TBX5: variants seen among roughly 807,000 people sequenced by gnomAD.
The protein encoded by TBX5 is T-box transcription factor 5.
Under a neutral mutation model 51.1 loss-of-function variants are expected in TBX5, and 8 were observed. The ratio of observed to expected loss-of-function variants is 0.16; its 90% CI spans 0.09 to 0.28. The LOEUF is 0.28. Ranked by LOEUF, TBX5 falls within the 10% of genes least tolerant of loss-of-function variation. TBX5 has a pLI of 1.00. For missense variants in TBX5, 589 were observed against 671.7 expected (o/e 0.88, Z 1.36); for synonymous variants, 302 against 266.4 (o/e 1.13, Z -1.30).
chr12:114,371,596 T>G (rs928517858), intron 7 of TBX5, among the ~76,000 whole-genome samples: 17 of 150,970 alleles, frequency 1.1e-4, no homozygotes, highest in African/African-American at 4.1e-4. Flanking sequence ...TGTTTTTTTT[T>G]TTTTTTTTTT....
chr12:114,403,629 T>G, intron 2 of TBX5, 123 bp downstream of exon 2: 5 of 1,392,092 alleles, frequency 3.6e-6, no homozygotes, highest in Non-Finnish European at 4.8e-6. Flanking sequence ...ATTATAGTCG[T>G]TGGGTTCGTT....
chr12:114,368,291 C>T (rs893115058), intron 7 of TBX5, among the ~76,000 whole-genome samples: 7 of 152,136 alleles, frequency 4.6e-5, no homozygotes, highest in South Asian at 2.1e-4. Flanking sequence ...GCTATGACTG[C>T]ACCATTGCAC....
At chr12:114,385,364 G>T in intron 7 of TBX5, 112 bp downstream of exon 7, 1 of 885,180 alleles carries the variant, frequency 1.1e-6, no homozygotes, top group Non-Finnish European at 1.9e-6. Flanking sequence ...CATGTGCCTG[G>T]CATTCTACGG....
intron 5 of TBX5, among the ~76,000 whole-genome samples, chr12:114,398,223 C>G (rs1871543022): frequency 6.6e-6 from 1 of 152,178 alleles, no homozygotes; most frequent in Non-Finnish European, 1.5e-5. Flanking sequence ...AGACCCAGAT[C>G]TGGGGAGTGT....
At chr12:114,403,103 TCCTCCCTCTGCCTGGGCCCAG>T (rs1871932902) in intron 2 of TBX5, among the ~76,000 whole-genome samples, 1 of 152,224 alleles carries the variant, frequency 6.6e-6, no homozygotes, top group African/African-American at 2.4e-5. Flanking sequence ...AAGGTGAGGC[TCCTCCCTCTGCCTGGGCCCAG>T]GTTGTAGCCT....
chr12:114,386,449 A>G (rs1353924842), intron 6 of TBX5, among the ~76,000 whole-genome samples: 1 of 152,228 alleles, frequency 6.6e-6, no homozygotes, highest in Non-Finnish European at 1.5e-5. Context: ...CATGTTATAG[A>G]CATGAGAGCA....
At chr12:114,370,549 G>A (rs1869838277) in intron 7 of TBX5, among the ~76,000 whole-genome samples, 1 of 152,014 alleles carries the variant, frequency 6.6e-6, no homozygotes, top group Admixed American at 6.5e-5. Context: ...AGTTTCGGGT[G>A]ATGCCTGTCT....
Position 114,354,774 on chromosome 12 carries a change from G to GAATAAGAGCCCA in TBX5, c.*757_*758insTGGGCTCTTATT, listed in dbSNP as rs1290345394. The GAATAAGAGCCCA allele has an allele frequency of 6.5e-5, 10 of 152,878 alleles. No individual in the cohort carries two copies. The East Asian group carries it at 1.7e-3, about 27-fold the overall frequency. 9.5% of individuals were successfully genotyped at this position (152,878 alleles called of 1,614,324 possible). On this transcript the variant is annotated 3_prime_UTR_variant, in exon 9 of 9. Coordinates refer to ENST00000405440, the MANE Select transcript of TBX5 (RefSeq NM_181486.4). ...GACAGACAGCTGGAAAGACAGAGCT[G>GAATAAGAGCCCA]GCAAGATGGTAGGGCTGAATAAGAT...
At chr12:114,364,162 C>A (rs754738938) in intron 8 of TBX5, among the ~76,000 whole-genome samples, 3 of 152,206 alleles carry the variant, frequency 2.0e-5, no homozygotes, top group Non-Finnish European at 4.4e-5. Flanking sequence ...AACTATGTTA[C>A]TTTCCTCATG....
At chr12:114,385,082 T>C (rs1870724675) in intron 7 of TBX5, among the ~76,000 whole-genome samples, 1 of 145,322 alleles carries the variant, frequency 6.9e-6, no homozygotes. Flanking sequence ...TAACTTCTCT[T>C]TCATTTACCA....
At position 114,405,855 on chromosome 12, in the gene TBX5, A is replaced by G; in HGVS notation, c.-266T>C. 4 of 985,444 alleles carry G rather than the reference A, an allele frequency of 4.1e-6. No homozygotes were observed. The highest frequency in any genetic ancestry group is 4.8e-6 in the Non-Finnish European group (4 of 829,964). 61.0% of individuals were successfully genotyped at this position (985,444 alleles called of 1,614,324 possible). A position where few individuals can be genotyped will look rare whatever the true frequency, so the allele number is the denominator to read the frequency against. On this transcript the variant is annotated 5_prime_UTR_variant, in exon 1 of 9. It removes the in-frame stop codon of an upstream open reading frame in the 5' UTR. Transcript: ENST00000405440. ...CCTCTGCTGTGCGCTTGCTCTCCCT[A>G]AATACTTCCCAGTTGGCAAGCGCCA... is the stretch of plus-strand genomic sequence containing the variant.
At chr12:114,366,104 C>T in intron 8 of TBX5, 61 bp downstream of exon 8, 4 of 1,560,796 alleles carry the variant, frequency 2.6e-6, no homozygotes, top group Non-Finnish European at 3.5e-6. Flanking sequence ...CCCTCACCCC[C>T]AACCCAAGGA....
At chr12:114,402,280 C>CA (rs113276288) in intron 2 of TBX5, among the ~76,000 whole-genome samples, 3,850 of 147,790 alleles carry the variant, frequency 0.026, 131 homozygotes, top group East Asian at 0.18. Context: ...ACAAACAAAC[C>CA]AAAAAAAAAA....
intron 5 of TBX5, among the ~76,000 whole-genome samples, chr12:114,397,307 A>G (rs1443923558): frequency 1.3e-5 from 2 of 152,102 alleles, no homozygotes; most frequent in Non-Finnish European, 2.9e-5. Context: ...GCTCCCAAAT[A>G]CAAGCTGTAG....
At chr12:114,359,234 C>T (rs1464987325) in intron 8 of TBX5, among the ~76,000 whole-genome samples, 1 of 152,174 alleles carries the variant, frequency 6.6e-6, no homozygotes, top group Non-Finnish European at 1.5e-5. Flanking sequence ...AGGTCCTGAA[C>T]ATTCTCAAAT....
At position 114,404,038 on chromosome 12, in the gene TBX5, C is replaced by A; in HGVS notation, c.-38-102G>T. The A allele has an allele frequency of 3.8e-6, 5 of 1,299,114 alleles. No homozygotes were observed. In the South Asian group the frequency reaches 5.2e-5, roughly 13 times the overall value. 80.5% of individuals were successfully genotyped at this position (1,299,114 alleles called of 1,614,324 possible). A position where few individuals can be genotyped will look rare whatever the true frequency, so the allele number is the denominator to read the frequency against. On this transcript the variant is annotated intron_variant, in intron 1 of 8. Transcript: ENST00000405440. ...CTAGTGACAGGAGGGAGCAGTTTGG[C>A]CCCCAGTTTCCAGCTACCAGCACCT...
At chr12:114,374,394 C>T (rs1400009760) in intron 7 of TBX5, among the ~76,000 whole-genome samples, 5 of 152,156 alleles carry the variant, frequency 3.3e-5, no homozygotes, top group Admixed American at 2.0e-4. Flanking sequence ...GATATGTTGA[C>T]ACCCAAACTC....
At chr12:114,407,303 A>G (rs753918423), upstream of TBX5, among the ~76,000 whole-genome samples, 1 of 152,192 alleles carries the variant, frequency 6.6e-6, no homozygotes, top group African/African-American at 2.4e-5. Context: ...CGATGTATTT[A>G]TTTGTGAAAA....
chr12:114,402,033 T>C (rs1311713980), intron 2 of TBX5, 113 bp from the exon 3 acceptor site: 1 of 960,692 alleles, frequency 1.0e-6, no homozygotes, highest in Non-Finnish European at 1.6e-6. Flanking sequence ...GAGCCTGTGG[T>C]CTCAGAGAGT....
Sources: gnomAD v4.1 joint callset for allele counts (sites outside exome capture counted in the v4.1 genomes callset) on GRCh38, gnomAD v4.1.1 for gene constraint, MANE v1.5 for transcripts, NCBI Gene and HGNC (gene_info 2026-07-23, HGNC 2026-07-21) for gene names.